Variants in ERC2 observed in about 807,000 individuals in gnomAD.
The protein encoded by ERC2 is ELKS/RAB6-interacting/CAST family member 2.
ERC2 carries 42 observed loss-of-function variants against 114.8 expected under a neutral mutation model. That is an observed-to-expected ratio of 0.37 (90% confidence interval 0.29 to 0.47). ERC2 has a LOEUF of 0.47. ERC2 is among the 20% of genes least tolerant of loss of function. The pLI is 0.99. For synonymous variants in ERC2, 454 were observed against 425.5 expected, an observed-to-expected ratio of 1.07 and a Z score of -0.82; for missense variants, 939 against 1,150.7, an observed-to-expected ratio of 0.82 and a Z score of 2.66.
At position 55,728,433 on chromosome 3, in the gene ERC2, C is replaced by T. The variant is rs918433877; in HGVS notation, c.2712+6338G>A. 1.1e-4 allele frequency among the ~76,000 whole-genome samples: 17 copies of T among 152,038 alleles called. 1 individual carries two copies. Among genetic ancestry groups the T allele is most frequent in the South Asian group, 4.1e-4 (2 of 4,820 alleles). ...GCTTCCCTGGAGAAGTGATGTTGGA[C>T]TGAGATTGAATGGATGAGTAGGCAT... On this transcript the variant is annotated intron_variant, in intron 15 of 17. Coordinates refer to ENST00000288221, the MANE Select transcript of ERC2 (RefSeq NM_015576.3).
intron 14 of ERC2, among the ~76,000 whole-genome samples, chr3:55,786,981 A>G (rs2069554530): frequency 6.6e-6 from 1 of 152,178 alleles, no homozygotes; most frequent in Admixed American, 6.5e-5. Flanking sequence ...GCCCTGAAAT[A>G]TATATGGCTG....
intron 17 of ERC2, among the ~76,000 whole-genome samples, chr3:55,525,545 A>G (rs1426212812): frequency 6.6e-6 from 1 of 152,190 alleles, no homozygotes; most frequent in Non-Finnish European, 1.5e-5. Flanking sequence ...CGAGTGGAAG[A>G]GGGAAGAGAG....
At chr3:56,453,291 C>T (rs4974214) in intron 1 of ERC2, among the ~76,000 whole-genome samples, 1 of 152,080 alleles carries the variant, frequency 6.6e-6, no homozygotes, top group Non-Finnish European at 1.5e-5. Context: ...GTAAAACATT[C>T]TTTTTTCTTC....
chr3:55,539,894 TAA>T (rs1485370121), intron 17 of ERC2, among the ~76,000 whole-genome samples: 1 of 151,870 alleles, frequency 6.6e-6, no homozygotes, highest in African/African-American at 2.4e-5. Context: ...ATGCTCATTG[TAA>T]ATAATACTAA....
At chr3:55,535,280 C>A (rs143206050) in intron 17 of ERC2, among the ~76,000 whole-genome samples, 1 of 152,306 alleles carries the variant, frequency 6.6e-6, no homozygotes, top group African/African-American at 2.4e-5. Flanking sequence ...CAGGAAACTA[C>A]TGTACAAAAA....
chr3:55,806,402 C>T (rs2149113092), intron 14 of ERC2, among the ~76,000 whole-genome samples: 1 of 151,568 alleles, frequency 6.6e-6, no homozygotes, highest in East Asian at 1.9e-4. Flanking sequence ...GAGGAGGGAG[C>T]TTGTGATCTG....
intron 7 of ERC2, among the ~76,000 whole-genome samples, chr3:56,061,491 G>A (rs2076243421): frequency 6.6e-6 from 1 of 152,152 alleles, no homozygotes; most frequent in South Asian, 2.1e-4. Context: ...TAGTTCCCAT[G>A]TCCTTGATCA....
Position 55,619,261 on chromosome 3 carries a change from G to A in ERC2, c.*39+64533C>T, listed in dbSNP as rs115472370. On this transcript the variant is annotated intron_variant, in intron 17 of 17. Transcript: ENST00000288221. ...AACTGGACAAATTCTGAAGAAATCC[G>A]AAGGAATTTCTTTAGAAAAGAATTC... 3.1e-4 allele frequency among the ~76,000 whole-genome samples: 47 copies of A among 152,246 alleles called. 1 individual carries two copies. Among genetic ancestry groups the A allele is most frequent in the African/African-American group, 9.6e-4 (40 of 41,534 alleles).
At chr3:55,681,698 G>C (rs1576108902) in intron 17 of ERC2, among the ~76,000 whole-genome samples, 1 of 152,132 alleles carries the variant, frequency 6.6e-6, no homozygotes, top group East Asian at 1.9e-4. Flanking sequence ...ATTATATATT[G>C]ACTAAATTTC....
intron 3 of ERC2, among the ~76,000 whole-genome samples, chr3:56,259,720 C>T (rs1033860806): frequency 6.6e-6 from 1 of 151,956 alleles, no homozygotes; most frequent in Non-Finnish European, 1.5e-5. Flanking sequence ...TCAAACAGAG[C>T]CCCTGCCCTA....
Position 55,730,948 on chromosome 3 carries a change from C to T in ERC2, c.2712+3823G>A, listed in dbSNP as rs568967267. On this transcript the variant is annotated intron_variant, in intron 15 of 17. Coordinates refer to ENST00000288221, the MANE Select transcript of ERC2 (RefSeq NM_015576.3). ...AGCAGGCCAGAAGGGTGGCCTTCCC[C>T]TTTCATTGGCCTGGTCCCTGAAAGA... 9.8e-5 allele frequency among the ~76,000 whole-genome samples: 15 copies of T among 152,358 alleles called. 1 individual carries two copies. Among genetic ancestry groups the T allele is most frequent in the African/African-American group, 3.4e-4 (14 of 41,588 alleles).
chr3:55,938,627 T>C (rs991902922), intron 13 of ERC2, among the ~76,000 whole-genome samples: 7 of 152,222 alleles, frequency 4.6e-5, no homozygotes, highest in African/African-American at 9.6e-5. Context: ...CAAGGTTATA[T>C]TGTTTAACAG....
chr3:55,916,399 AGG>A (rs2065094951), intron 13 of ERC2, among the ~76,000 whole-genome samples: 1 of 152,186 alleles, frequency 6.6e-6, no homozygotes, highest in African/African-American at 2.4e-5. Context: ...ATGCAATTCC[AGG>A]ACACTAAGCA....
intron 15 of ERC2, among the ~76,000 whole-genome samples, chr3:55,733,430 TCTC>T (rs1271248558): frequency 6.6e-6 from 1 of 151,142 alleles, no homozygotes; most frequent in African/African-American, 2.4e-5. Flanking sequence ...TCTCTCTCTC[TCTC>T]ATTCTCTCTG....
rs948017678 is a variant in ERC2 at position 55,592,757 on chromosome 3, T to C, written c.*40-81481A>G. ...CAAATACGTGTAGACACCTACGTAG[T>C]TAAATCACAGCAGCTCTAGGTAGTT... On this transcript the variant is annotated intron_variant, in intron 17 of 17. Transcript: ENST00000288221. Among the ~76,000 whole-genome samples the C allele has an allele frequency of 3.3e-5, 5 of 152,164 alleles. No individual in the cohort carries two copies. In the South Asian group the frequency reaches 8.3e-4, roughly 25 times the overall value.
At chr3:55,821,047 G>C (rs1352526876) in intron 14 of ERC2, among the ~76,000 whole-genome samples, 4 of 152,036 alleles carry the variant, frequency 2.6e-5, no homozygotes, top group Admixed American at 6.5e-5. Flanking sequence ...AGGTATGAAG[G>C]GTGCTAGAGC....
intron 3 of ERC2, among the ~76,000 whole-genome samples, chr3:56,255,374 A>G (rs970565729): frequency 3.9e-5 from 6 of 152,070 alleles, no homozygotes; most frequent in African/African-American, 2.4e-5. Flanking sequence ...TAGTTTTCCA[A>G]CTGTCTCAGC....
At chr3:56,237,660 T>TC (rs2051043195) in intron 3 of ERC2, among the ~76,000 whole-genome samples, 2 of 152,248 alleles carry the variant, frequency 1.3e-5, no homozygotes, top group South Asian at 4.2e-4. Context: ...CACATTGCTT[T>TC]CTTTTTTTTT....
At chr3:56,139,220 A>G (rs181067834) in intron 6 of ERC2, among the ~76,000 whole-genome samples, 93 of 152,332 alleles carry the variant, frequency 6.1e-4, no homozygotes, top group African/African-American at 2.2e-3. Flanking sequence ...ACACAAACTG[A>G]CAAGAGTCTA....
Sources: allele counts gnomAD v4.1 joint callset (sites outside exome capture counted in the v4.1 genomes callset), GRCh38; gene constraint gnomAD v4.1.1; transcripts MANE v1.5; gene names NCBI Gene and HGNC (gene_info 2026-07-23, HGNC 2026-07-21).